Variants in NFIC observed in about 807,000 individuals in gnomAD.
The protein encoded by NFIC is nuclear factor I C.
NFIC carries 12 observed loss-of-function variants against 54.4 expected under a neutral mutation model. The observed-to-expected ratio is 0.22, with a 90% CI of 0.14 to 0.36. NFIC has a LOEUF of 0.36. NFIC is among the 10% of genes least tolerant of loss of function. NFIC has a pLI of 1.00. For missense variants in NFIC, 575 were observed against 718.2 expected, an observed-to-expected ratio of 0.80 and a Z score of 2.28; for synonymous variants, 322 against 319.2, an observed-to-expected ratio of 1.01 and a Z score of -0.09.
intron 1 of NFIC, chr19:3,359,749 G>A: frequency 7.3e-7 from 1 of 1,369,684 alleles, no homozygotes; most frequent in East Asian, 3.2e-5. Flanking sequence ...GTGGGCTCCG[G>A]GCGAAAGTTG....
rs2081091832 is a variant in NFIC at position 3,375,570 on chromosome 19, G to GCCTT, written c.31-6142_31-6141insCCTT. ...CTTAGCAGGTTGGCTGGGGAAGCGG[G>GCCTT]GGCAGCGGAAAAGGGCCCTGAGGTC... On this transcript the variant is annotated intron_variant, in intron 1 of 10. Coordinates refer to ENST00000443272, the MANE Select transcript of NFIC (RefSeq NM_001245002.2). This position sits in a 1 kb window ranked among gnomAD's most constrained non-coding sequence, Gnocchi z 4.6. Among the ~76,000 whole-genome samples, 1 of 152,252 alleles carries GCCTT rather than the reference G, an allele frequency of 6.6e-6. No homozygotes were observed.
chr19:3,407,527 C>T (rs532286652), intron 2 of NFIC, among the ~76,000 whole-genome samples: 5 of 152,194 alleles, frequency 3.3e-5, no homozygotes, highest in Admixed American at 6.6e-5. Context: ...CTCTGCCTCC[C>T]GGGTTCGAGC....
chr19:3,406,451 C>A (rs766161381), intron 2 of NFIC, among the ~76,000 whole-genome samples: 1 of 150,986 alleles, frequency 6.6e-6, no homozygotes, highest in African/African-American at 2.4e-5. Flanking sequence ...TGGTCTCGAA[C>A]TTCTGACCTC....
chr19:3,394,000 C>T (rs1048623791), intron 2 of NFIC, among the ~76,000 whole-genome samples: 7 of 151,020 alleles, frequency 4.6e-5, no homozygotes, highest in Non-Finnish European at 8.8e-5. Context: ...TGGAGTGCAG[C>T]GGTGCAATCT....
In NFIC at chr19:3,366,677, C is replaced by T. The variant is rs1429093874; in HGVS notation, c.30+11C>T. On this transcript the variant is annotated intron_variant, in intron 1 of 10. Coordinates refer to ENST00000443272, the MANE Select transcript of NFIC (RefSeq NM_001245002.2). Reference sequence around the variant, plus strand: ...CTCTGCCTCACCCAGGTACGGTCCTCGCCCGGCCCCCCGCCGGCGCCCCCG... The same window carrying T: ...CTCTGCCTCACCCAGGTACGGTCCTTGCCCGGCCCCCCGCCGGCGCCCCCG... The T allele has an allele frequency of 2.1e-6, 3 of 1,413,422 alleles. No individual in the cohort carries two copies. Among genetic ancestry groups the T allele is most frequent in the Non-Finnish European group, 2.8e-6 (3 of 1,080,824 alleles). The allele number at this position is 1,413,422 out of a possible 1,614,324, so 87.6% of individuals were successfully genotyped here.
rs1410797318 is a variant in NFIC at position 3,370,085 on chromosome 19, G to T, written c.30+3419G>T. On this transcript the variant is annotated intron_variant, in intron 1 of 10. Coordinates refer to ENST00000443272, the MANE Select transcript of NFIC (RefSeq NM_001245002.2). The surrounding 1 kb of genome is among the most constrained non-coding windows in gnomAD (Gnocchi z 5.2). Reference sequence around the variant, plus strand: ...GGGGAGGCAGCAGGGCCCAGGCCCAGTGTAGGTTCTTAGAGGGAGCTTGGG... The same window carrying T: ...GGGGAGGCAGCAGGGCCCAGGCCCATTGTAGGTTCTTAGAGGGAGCTTGGG... 6.6e-6 allele frequency among the ~76,000 whole-genome samples: 1 copy of T among 152,214 alleles called. No individual in the cohort carries two copies. Among genetic ancestry groups the T allele is most frequent in the Non-Finnish European group, 1.5e-5 (1 of 68,032 alleles).
rs189672790 is a variant in NFIC, at chr19:3,403,010, T to C, written c.562+20767T>C. ...CTCACATTCCTTTCCCTGACAAGCA[T>C]TTATTTTGCACCTGCTGTATACCAG... On this transcript the variant is annotated intron_variant, in intron 2 of 10. Coordinates refer to ENST00000443272, the MANE Select transcript of NFIC (RefSeq NM_001245002.2). Among the ~76,000 whole-genome samples, 310 of 152,310 alleles carry C rather than the reference T, an allele frequency of 2.0e-3. 1 individual carries two copies. Among genetic ancestry groups the C allele is most frequent in the African/African-American group, 7.1e-3 (297 of 41,566 alleles).
At position 3,433,549 on chromosome 19, in the gene NFIC, C is replaced by T. The variant is rs761148131; in HGVS notation, c.666C>T (p.Thr222=). Reference sequence around the variant, plus strand: ...CCGACTTCCAGGAGAGCTTTGTCACCTCCGGCGTGTTCAGCGTCACTGAGC... The same window carrying T: ...CCGACTTCCAGGAGAGCTTTGTCACTTCCGGCGTGTTCAGCGTCACTGAGC... ...DTTDFQESFV[T]SGVFSVTELI... The change falls in exon 4 of 11, where the codon ACC becomes ACT. Residue 222 remains threonine, a synonymous_variant. Transcript: ENST00000443272. 1 of 1,614,020 alleles carries T rather than the reference C, an allele frequency of 6.2e-7. No individual in the cohort carries two copies. Among genetic ancestry groups the T allele is most frequent in the Non-Finnish European group, 8.5e-7 (1 of 1,179,916 alleles).
chr19:3,457,910 G>C (rs987840831), intron 10 of NFIC: 2 of 152,240 alleles, frequency 1.3e-5, no homozygotes, highest in African/African-American at 4.8e-5. Flanking sequence ...GGAGGAGGAA[G>C]CAGGGATGGA....
chr19:3,379,882 A>G (rs1194247525), intron 1 of NFIC, among the ~76,000 whole-genome samples: 1 of 150,986 alleles, frequency 6.6e-6, no homozygotes, highest in Non-Finnish European at 1.5e-5. Context: ...GGGCCTCGCT[A>G]TGTCATCCAG....
At chr19:3,428,136 C>G (rs2082056829) in intron 3 of NFIC, among the ~76,000 whole-genome samples, 1 of 148,824 alleles carries the variant, frequency 6.7e-6, no homozygotes, top group Non-Finnish European at 1.5e-5. Flanking sequence ...CGCCATTGCA[C>G]TCTAGCCTGG....
intron 1 of NFIC, chr19:3,371,511 G>C (rs1208647472): frequency 6.6e-6 from 1 of 151,826 alleles, no homozygotes. Context: ...ATGAATGAAT[G>C]AATGAATGTT....
In NFIC at chr19:3,464,142, G is replaced by A; in HGVS notation, c.*1373G>A. 1.8e-5 allele frequency: 18 copies of A among 985,362 alleles called. No individual in the cohort carries two copies. The highest frequency in any genetic ancestry group is 2.2e-5 in the Non-Finnish European group (18 of 829,912). The allele number at this position is 985,362 out of a possible 1,614,324, so 61.0% of individuals were successfully genotyped here. ...ACCCCCCTCCCTGGTGCCTCCCAGC[G>A]AAGGGGGACCGCCGTTTGCACTTTC... On this transcript the variant is annotated 3_prime_UTR_variant, in exon 11 of 11. Transcript: ENST00000443272.
intron 2 of NFIC, among the ~76,000 whole-genome samples, chr19:3,401,081 C>T (rs114511241): frequency 0.022 from 3,333 of 152,254 alleles, 64 homozygotes; most frequent in Non-Finnish European, 0.028. Context: ...AAAGGCCCTG[C>T]GGCAGGACAC....
At chr19:3,407,680 C>T (rs796496816) in intron 2 of NFIC, among the ~76,000 whole-genome samples, 24 of 152,030 alleles carry the variant, frequency 1.6e-4, no homozygotes, top group African/African-American at 4.6e-4. Flanking sequence ...GTGATCTGCT[C>T]GCCTTGGCCT....
upstream of NFIC, among the ~76,000 whole-genome samples, chr19:3,364,763 A>T (rs1448811989): frequency 6.6e-6 from 1 of 152,116 alleles, no homozygotes; most frequent in African/African-American, 2.4e-5. Flanking sequence ...CAGGGGAGGG[A>T]GGGTGGAAGG....
intron 1 of NFIC, among the ~76,000 whole-genome samples, chr19:3,373,458 C>T (rs1568401607): frequency 6.6e-6 from 1 of 152,122 alleles, no homozygotes; most frequent in Admixed American, 6.5e-5. Context: ...TCATTCTGCT[C>T]CAGCCACATG....
At chr19:3,394,523 A>ACCCCCCCCCCC (rs1387633539) in intron 2 of NFIC, among the ~76,000 whole-genome samples, 1 of 51,180 alleles carries the variant, frequency 2.0e-5, no homozygotes. Context: ...TTCCCCACCC[A>ACCCCCCCCCCC]CCCCCCACCC....
At chr19:3,432,702 G>C (rs1395963402) in intron 3 of NFIC, among the ~76,000 whole-genome samples, 1 of 138,656 alleles carries the variant, frequency 7.2e-6, no homozygotes, top group Non-Finnish European at 1.5e-5. Context: ...ATGGAGTCTT[G>C]CTCTGTTGCC....
Sources: allele counts gnomAD v4.1 joint callset (sites outside exome capture counted in the v4.1 genomes callset), GRCh38; gene constraint gnomAD v4.1.1; non-coding constraint Gnocchi (gnomAD v3.1); transcripts MANE v1.5; gene names NCBI Gene and HGNC (gene_info 2026-07-23, HGNC 2026-07-21).